Variants in DNAH14 observed in about 807,000 individuals in gnomAD.
DNAH14 encodes dynein axonemal heavy chain 14.
In DNAH14, 478 loss-of-function variants were observed where a neutral mutation model predicts 520.9. The ratio of observed to expected loss-of-function variants is 0.92; its 90% CI spans 0.85 to 0.99. The LOEUF is 0.99. Ranked by LOEUF, DNAH14 falls within the 50% of genes least tolerant of loss-of-function variation. DNAH14 has a pLI of 0.00. For missense variants in DNAH14, 4,831 were observed against 5,234.5 expected (o/e 0.92, Z 2.38); for synonymous variants, 1,581 against 1,757.2 (o/e 0.90, Z 2.51).
In DNAH14 at chr1:225,249,775, G is replaced by A. The variant is rs549940182; in HGVS notation, c.6749-2526G>A. ...ATCCTTATTCCCATCCCCAACCATC[G>A]GCAACAAATTTGCTTCTTAGTAAAT... On this transcript the variant is annotated intron_variant, in intron 43 of 85. Transcript: ENST00000682510. 1.3e-4 allele frequency among the ~76,000 whole-genome samples: 20 copies of A among 152,106 alleles called. 1 individual carries two copies. Among genetic ancestry groups the A allele is most frequent in the Admixed American group, 3.3e-4 (5 of 15,282 alleles).
At chr1:225,020,391 G>A (rs1178800622) in intron 10 of DNAH14, among the ~76,000 whole-genome samples, 2 of 151,558 alleles carry the variant, frequency 1.3e-5, no homozygotes, top group East Asian at 3.9e-4. Context: ...CAGCTACTCA[G>A]GAGGCTGAGG....
At chr1:225,208,036 G>A (rs1165501484) in intron 41 of DNAH14, among the ~76,000 whole-genome samples, 5 of 152,072 alleles carry the variant, frequency 3.3e-5, no homozygotes, top group Admixed American at 6.6e-5. Flanking sequence ...TTAGGGAGTA[G>A]GTAAAAACAT....
At chr1:225,039,583 GAA>G (rs75858834) in intron 12 of DNAH14, among the ~76,000 whole-genome samples, 2 of 143,638 alleles carry the variant, frequency 1.4e-5, no homozygotes, top group South Asian at 2.2e-4. Flanking sequence ...TCTTTAGTAT[GAA>G]AAAAAAAAAG....
intron 84 of DNAH14, among the ~76,000 whole-genome samples, chr1:225,393,824 TG>T (rs61424404): frequency 0.054 from 7,899 of 146,006 alleles, 265 homozygotes; most frequent in East Asian, 0.089. Context: ...GTTTTTTTTT[TG>T]TTTTTTTTTT....
intron 35 of DNAH14, 149 bp from the exon 36 acceptor site, chr1:225,167,790 T>C: frequency 2.2e-6 from 1 of 464,208 alleles, no homozygotes; most frequent in East Asian, 3.8e-5. Context: ...TTTACTATTC[T>C]CAGAGACAGA....
intron 43 of DNAH14, among the ~76,000 whole-genome samples, chr1:225,251,289 T>C (rs2092540234): frequency 6.6e-6 from 1 of 152,050 alleles, no homozygotes; most frequent in Non-Finnish European, 1.5e-5. Context: ...TTTTCCTGCC[T>C]CAGCTTCCCA....
Position 225,272,986 on chromosome 1 carries a change from CTG to C in DNAH14, c.7873_7874del (p.Val2625CysfsTer2). 1 of 1,547,480 alleles carries C rather than the reference CTG, an allele frequency of 6.5e-7. No homozygotes were observed. Among genetic ancestry groups the C allele is most frequent in the Non-Finnish European group, 8.7e-7 (1 of 1,145,944 alleles). On this transcript the variant is annotated frameshift_variant, in exon 52 of 86. Transcript: ENST00000682510. LOFTEE classifies it high-confidence loss of function. Reference sequence around the variant, plus strand: ...CTAGGATTGCTGCAAGCTGACAGGACTGTTGTTAACTCCAAAGAGATGGCTGC... The same window carrying C: ...CTAGGATTGCTGCAAGCTGACAGGACTTGTTAACTCCAAAGAGATGGCTGC...
chr1:225,252,001 G>A (rs1485711456), intron 43 of DNAH14, among the ~76,000 whole-genome samples: 1 of 152,118 alleles, frequency 6.6e-6, no homozygotes, highest in Non-Finnish European at 1.5e-5. Context: ...ATATGTTACT[G>A]GCATTTAACT....
At chr1:224,957,173 C>T (rs1168010776) in intron 3 of DNAH14, among the ~76,000 whole-genome samples, 2 of 151,904 alleles carry the variant, frequency 1.3e-5, no homozygotes, top group Admixed American at 6.6e-5. Flanking sequence ...TTATCAGTTA[C>T]GGTGATGGGT....
chr1:225,390,814 A>G (rs2095900162), intron 83 of DNAH14, among the ~76,000 whole-genome samples: 1 of 152,178 alleles, frequency 6.6e-6, no homozygotes, highest in African/African-American at 2.4e-5. Context: ...TCCTGTAACT[A>G]TCCCTGTTTG....
chr1:225,138,440 G>A (rs2079149196), intron 27 of DNAH14, among the ~76,000 whole-genome samples: 1 of 152,240 alleles, frequency 6.6e-6, no homozygotes, highest in Non-Finnish European at 1.5e-5. Context: ...CCATGGAAGT[G>A]AGGCCTACAG....
chr1:225,294,949 T>C (rs1212401824), intron 55 of DNAH14, among the ~76,000 whole-genome samples: 1 of 152,168 alleles, frequency 6.6e-6, no homozygotes, highest in African/African-American at 2.4e-5. Flanking sequence ...TGTTACTTAT[T>C]ATTAGTCTGC....
chr1:225,038,939 C>G (rs1363276992), intron 12 of DNAH14, 116 bp downstream of exon 12: 1 of 825,434 alleles, frequency 1.2e-6, no homozygotes, highest in East Asian at 3.1e-5. Flanking sequence ...AACATACCCT[C>G]GCCAACACAC....
At chr1:225,332,809 T>A (rs960324146) in intron 65 of DNAH14, among the ~76,000 whole-genome samples, 2 of 141,470 alleles carry the variant, frequency 1.4e-5, no homozygotes, top group African/African-American at 2.7e-5. Flanking sequence ...AACCGGGCAA[T>A]GTAGCAAGAT....
At chr1:225,279,951 A>C (rs1360637379) in intron 54 of DNAH14, among the ~76,000 whole-genome samples, 1 of 150,972 alleles carries the variant, frequency 6.6e-6, no homozygotes, top group Non-Finnish European at 1.5e-5. Context: ...AAAGCATACA[A>C]AAATGACTCT....
chr1:225,303,262 A>G lies in DNAH14; in HGVS notation c.8738A>G (p.Asp2913Gly). ...YPSMISSCTI[D>G]WYERWPEEAL... ...TCTATGATTAGCTCCTGCACGATCG[A>G]TTGGTATGAGAGGTGGCCAGAAGAA... Residue 2913 changes from aspartate to glycine, a missense_variant, in exon 57 of 86, where the codon GAT (aspartate) becomes GGT (glycine). Physicochemically the swap from Asp to Gly is moderately conservative, Grantham distance 94. Transcript: ENST00000682510. The G allele has an allele frequency of 6.4e-7, 1 of 1,551,556 alleles. No homozygotes were observed. The highest frequency in any genetic ancestry group is 8.7e-7 in the Non-Finnish European group (1 of 1,146,828).
chr1:225,345,971 T>C lies in DNAH14; in HGVS notation c.10688T>C (p.Leu3563Ser), dbSNP rs1221447259. ...TTTTGTTTGTCTTTAGGATCCATAT[T>C]AGATGATGACAAAATTGTAGATACC... is the stretch of plus-strand genomic sequence containing the variant. The part of the protein sequence containing the change: ...NLLQKALGSI[L>S]DDDKIVDTLR... The change falls in exon 70 of 86, where the codon TTA becomes TCA. Residue 3563 changes from leucine to serine, a missense_variant. By Grantham distance (145) the Leu-to-Ser change is moderately radical. Coordinates refer to ENST00000682510, the MANE Select transcript of DNAH14 (RefSeq NM_001367479.1). The C allele has an allele frequency of 6.5e-7, 1 of 1,548,984 alleles. No homozygotes were observed. Among genetic ancestry groups the C allele is most frequent in the Non-Finnish European group, 8.7e-7 (1 of 1,145,894 alleles).
chr1:224,948,377 T>C (rs769749276), intron 1 of DNAH14, among the ~76,000 whole-genome samples: 7 of 151,750 alleles, frequency 4.6e-5, no homozygotes, highest in African/African-American at 9.7e-5. Flanking sequence ...TTTTCTGATA[T>C]GAATATAGCT....
intron 34 of DNAH14, among the ~76,000 whole-genome samples, chr1:225,157,069 A>G (rs999583076): frequency 5.9e-5 from 9 of 152,190 alleles, no homozygotes; most frequent in Non-Finnish European, 1.3e-4. Flanking sequence ...GATTCTGGGG[A>G]TTAAAAAGTG....
Sources: gnomAD v4.1 joint callset for allele counts (sites outside exome capture counted in the v4.1 genomes callset) on GRCh38, gnomAD v4.1.1 for gene constraint, MANE v1.5 for transcripts, NCBI Gene and HGNC (gene_info 2026-07-23, HGNC 2026-07-21) for gene names.